Variants in EYS observed in about 807,000 individuals in gnomAD.
EYS encodes EGF-like photoreceptor maintenance factor, also known as protein eyes shut homolog.
In EYS, 250 loss-of-function variants were observed where a neutral mutation model predicts 282.1. The ratio of observed to expected loss-of-function variants is 0.89; its 90% CI spans 0.80 to 0.98. EYS has a LOEUF of 0.98. EYS is among the 50% of genes least tolerant of loss of function. EYS has a pLI of 0.00. For synonymous variants in EYS, 1,355 were observed against 1,282.9 expected (o/e 1.06, Z -1.20); for missense variants, 4,016 against 3,709.0 (o/e 1.08, Z -2.15).
chr6:65,681,388 G>A (rs2087538), intron 1 of EYS, among the ~76,000 whole-genome samples: 124,274 of 151,962 alleles, frequency 0.82, 50,913 homozygotes, highest in East Asian at 0.85. Flanking sequence ...AAGACCAAAT[G>A]TATATTTCAT....
At chr6:64,814,375 G>A (rs1764686552) in intron 21 of EYS, among the ~76,000 whole-genome samples, 1 of 151,968 alleles carries the variant, frequency 6.6e-6, no homozygotes, top group Non-Finnish European at 1.5e-5. Flanking sequence ...TGTGCTATGA[G>A]AGTTAAATAA....
intron 31 of EYS, among the ~76,000 whole-genome samples, chr6:64,230,087 G>A (rs889786550): frequency 1.3e-5 from 2 of 152,104 alleles, no homozygotes; most frequent in African/African-American, 2.4e-5. Flanking sequence ...GTTGACAATA[G>A]GAGAATATAT....
intron 31 of EYS, among the ~76,000 whole-genome samples, chr6:64,155,622 C>A (rs1445261672): frequency 1.3e-5 from 2 of 152,030 alleles, no homozygotes; most frequent in Admixed American, 1.3e-4. Context: ...AGGAAGGATA[C>A]CGTGTAAACT....
rs565335751 is a variant in EYS, at chr6:65,405,295, C to T, written c.935G>A (p.Ser312Asn). ...GCATTCATAAGTATAAGCAGAACTG[C>T]TATTTGGGCAAATTCCTCTTTTCCA... ...LFWKRGICPN[S>N]SSAYTYECPK... is the part of the protein sequence containing the mutation. Residue 312 changes from serine (S) to asparagine (N), a missense_variant, in exon 6 of 43, where the codon AGC becomes AAC. Coordinates refer to ENST00000503581, the MANE Select transcript of EYS (RefSeq NM_001142800.2). 3.7e-6 allele frequency: 6 copies of T among 1,612,792 alleles called. No homozygotes were observed. Among genetic ancestry groups the T allele is most frequent in the South Asian group, 1.1e-5 (1 of 91,034 alleles).
intron 21 of EYS, among the ~76,000 whole-genome samples, chr6:64,816,195 T>TAAGTCCCTACC (rs1259835897): frequency 5.5e-4 from 83 of 152,126 alleles, no homozygotes; most frequent in Admixed American, 9.2e-4. Flanking sequence ...CGGTACCTAC[T>TAAGTCCCTACC]AAGTCCCTAC....
At chr6:64,943,164 C>T (rs1769155563) in intron 15 of EYS, among the ~76,000 whole-genome samples, 1 of 151,982 alleles carries the variant, frequency 6.6e-6, no homozygotes, top group Admixed American at 6.6e-5. Context: ...CAACATCATG[C>T]TAAAAATCCT....
intron 12 of EYS, among the ~76,000 whole-genome samples, chr6:65,076,951 T>A (rs1185866787): frequency 6.6e-6 from 1 of 151,970 alleles, no homozygotes; most frequent in Non-Finnish European, 1.5e-5. Flanking sequence ...AAAACTGAAC[T>A]GAGAATTAGG....
At chr6:65,464,436 C>T (rs1764925234) in intron 5 of EYS, among the ~76,000 whole-genome samples, 1 of 152,082 alleles carries the variant, frequency 6.6e-6, no homozygotes. Context: ...CAAATTATGT[C>T]AAATATATCT....
intron 37 of EYS, among the ~76,000 whole-genome samples, chr6:63,795,098 G>T (rs2149673776): frequency 6.6e-6 from 1 of 152,266 alleles, no homozygotes; most frequent in East Asian, 1.9e-4. Context: ...TCTCTCTTTG[G>T]CTAGAAAGAA....
At chr6:64,673,014 A>C (rs866600098) in intron 22 of EYS, among the ~76,000 whole-genome samples, 7 of 152,164 alleles carry the variant, frequency 4.6e-5, no homozygotes, top group African/African-American at 1.7e-4. Flanking sequence ...CATAACTTCT[A>C]TCTTTATAGT....
chr6:65,160,671 C>A (rs1045694348), intron 12 of EYS, among the ~76,000 whole-genome samples: 10 of 150,734 alleles, frequency 6.6e-5, no homozygotes, highest in Admixed American at 4.0e-4. Context: ...TTTCGTTCAT[C>A]CCACGTTAAA....
At chr6:64,867,913 A>G (rs1766473807) in intron 19 of EYS, among the ~76,000 whole-genome samples, 3 of 151,560 alleles carry the variant, frequency 2.0e-5, no homozygotes, top group African/African-American at 7.2e-5. Flanking sequence ...GACAACTGAC[A>G]TTAGACAAGC....
intron 13 of EYS, among the ~76,000 whole-genome samples, chr6:65,024,087 A>G (rs1772327208): frequency 6.6e-6 from 1 of 152,154 alleles, no homozygotes; most frequent in Non-Finnish European, 1.5e-5. Flanking sequence ...ATCACTTTTT[A>G]CAAAACTAAC....
At chr6:64,125,291 A>G (rs1345942824) in intron 31 of EYS, among the ~76,000 whole-genome samples, 1 of 152,124 alleles carries the variant, frequency 6.6e-6, no homozygotes, top group African/African-American at 2.4e-5. Context: ...TGCAGGGAAA[A>G]GAGAATGGCT....
chr6:63,929,688 AGG>A (rs886069548), intron 35 of EYS, among the ~76,000 whole-genome samples: 22 of 152,228 alleles, frequency 1.4e-4, no homozygotes, highest in African/African-American at 5.3e-4. Context: ...ACACGTTCAC[AGG>A]GTAAAAATCT....
intron 36 of EYS, among the ~76,000 whole-genome samples, chr6:63,863,395 C>T (rs1772583532): frequency 1.3e-5 from 2 of 151,898 alleles, no homozygotes; most frequent in South Asian, 4.2e-4. Flanking sequence ...AGACGCATGT[C>T]TATTGTTTAT....
chr6:64,546,012 A>T (rs966787715), intron 26 of EYS, among the ~76,000 whole-genome samples: 16 of 152,278 alleles, frequency 1.1e-4, no homozygotes, highest in African/African-American at 3.8e-4. Flanking sequence ...ACAGAATTGG[A>T]AAAAACTACT....
At chr6:63,972,232 C>T (rs550660854) in intron 35 of EYS, among the ~76,000 whole-genome samples, 1 of 152,258 alleles carries the variant, frequency 6.6e-6, no homozygotes, top group Admixed American at 6.5e-5. Flanking sequence ...GAACATGTGA[C>T]ATTTTATGAA....
intron 31 of EYS, among the ~76,000 whole-genome samples, chr6:64,167,672 A>T (rs1764336611): frequency 6.6e-6 from 1 of 152,212 alleles, no homozygotes. Flanking sequence ...ATATGCACAT[A>T]TATCTGCCTA....
Sources: allele counts gnomAD v4.1 joint callset (sites outside exome capture counted in the v4.1 genomes callset), GRCh38; gene constraint gnomAD v4.1.1; transcripts MANE v1.5; gene names NCBI Gene and HGNC (gene_info 2026-07-23, HGNC 2026-07-21).